RPS6KA2: variants seen among roughly 807,000 people sequenced by gnomAD.
The protein encoded by RPS6KA2 is ribosomal protein S6 kinase A2, also known as ribosomal protein S6 kinase alpha-2.
A neutral mutation model predicts 91.8 loss-of-function variants in RPS6KA2; 42 were observed. That is an observed-to-expected ratio of 0.46 (90% CI 0.36 to 0.59). The LOEUF is 0.59. Ranked by LOEUF, RPS6KA2 falls within the 20% of genes least tolerant of loss-of-function variation. The pLI is 0.00. For missense variants in RPS6KA2, 798 were observed against 978.5 expected (o/e 0.82, Z 2.46); for synonymous variants, 414 against 393.6 (o/e 1.05, Z -0.61).
intron 2 of RPS6KA2, among the ~76,000 whole-genome samples, chr6:166,820,917 A>G (rs9355596): frequency 0.63 from 95,288 of 152,006 alleles, 31,314 homozygotes; most frequent in Non-Finnish European, 0.74. Context: ...ATGTAAAAGC[A>G]CTCCTCCTTG....
intron 1 of RPS6KA2, among the ~76,000 whole-genome samples, chr6:166,556,914 A>G (rs1286345611): frequency 6.6e-6 from 1 of 152,242 alleles, no homozygotes; most frequent in Middle Eastern, 3.2e-3. Flanking sequence ...AGGCAGATTT[A>G]GAAGCCCGCT....
Position 166,694,974 on chromosome 6 carries a change from T to C in RPS6KA2, c.124-156190A>G, listed in dbSNP as rs1789316477. Among the ~76,000 whole-genome samples, 4 of 152,370 alleles carry C rather than the reference T, an allele frequency of 2.6e-5. No homozygotes were observed. In the South Asian group the frequency reaches 6.2e-4, roughly 24 times the overall value. ...AATATCCATTTATTCAATAAATAGA[T>C]ATTAATCACTTAGGCTATGGGATCA... is the stretch of plus-strand genomic sequence containing the variant. On this transcript the variant is annotated intron_variant, in intron 2 of 21. Coordinates refer to the RPS6KA2 transcript ENST00000503859.
At chr6:166,761,199 C>T (rs148614071) in intron 2 of RPS6KA2, among the ~76,000 whole-genome samples, 6 of 152,250 alleles carry the variant, frequency 3.9e-5, no homozygotes, top group Admixed American at 1.3e-4. Context: ...AAGTAGCCAC[C>T]GCACCCGGCT....
rs1562523970 is a variant in RPS6KA2, at chr6:166,480,511, ATAT to A, written c.907+8319_907+8321del. Among the ~76,000 whole-genome samples the A allele has an allele frequency of 2.0e-3, 189 of 94,642 alleles. 5 individuals carry two copies. Among genetic ancestry groups the A allele is most frequent in the Middle Eastern group, 0.011 (2 of 176 alleles). The allele number at this position is 94,642 out of a possible 152,430, so 62.1% of individuals were successfully genotyped here. A position where few individuals can be genotyped will look rare whatever the true frequency, so the allele number is the denominator to read the frequency against. On this transcript the variant is annotated intron_variant, in intron 10 of 20. Transcript: ENST00000265678. Reference sequence around the variant, plus strand: ...TATATATATATATATATATATATATATATAATATATTTTTTTTTTTTGAGAGAG... The same window carrying A: ...TATATATATATATATATATATATATAAATATATTTTTTTTTTTTGAGAGAG...
Position 166,430,439 on chromosome 6 carries a change from G to C in RPS6KA2, c.1581+14C>G, listed in dbSNP as rs1348619462. 6.2e-7 allele frequency: 1 copy of C among 1,602,694 alleles called. No homozygotes were observed. Among genetic ancestry groups the C allele is most frequent in the East Asian group, 2.3e-5 (1 of 44,398 alleles). ...TCCCTCCTCCCCGAAGGCTGCCCCA[G>C]GCATGGCTCCTACCCCCTGGGAATG... On this transcript the variant is annotated intron_variant, in intron 16 of 20. Coordinates refer to ENST00000265678, the MANE Select transcript of RPS6KA2 (RefSeq NM_021135.6).
At chr6:166,699,603 A>G (rs1410947669) in intron 2 of RPS6KA2, among the ~76,000 whole-genome samples, 1 of 152,182 alleles carries the variant, frequency 6.6e-6, no homozygotes, top group Admixed American at 6.5e-5. Flanking sequence ...AAAACTCAAA[A>G]TCAATTCAGA....
intron 2 of RPS6KA2, among the ~76,000 whole-genome samples, chr6:166,712,075 G>A (rs950145961): frequency 2.0e-5 from 3 of 152,230 alleles, no homozygotes; most frequent in African/African-American, 4.8e-5. Context: ...CAGAATGTAC[G>A]TAGGGATGCC....
rs930693575 is a variant in RPS6KA2, at chr6:166,639,510, C to T, written c.124-100726G>A. On this transcript the variant is annotated intron_variant, in intron 2 of 21. Coordinates refer to the RPS6KA2 transcript ENST00000503859. This position sits in a 1 kb window ranked among gnomAD's most constrained non-coding sequence, Gnocchi z 4.2. ...AGAAGCGAATCTGGTTCAGTTACCC[C>T]AGGGCATGCATAGCTCCAGAGCTTG... 3.9e-5 allele frequency among the ~76,000 whole-genome samples: 6 copies of T among 152,334 alleles called. No homozygotes were observed. In the South Asian group the frequency reaches 6.2e-4, roughly 16 times the overall value.
Position 166,742,691 on chromosome 6 carries a change from C to A in RPS6KA2, c.123+115509G>T, listed in dbSNP as rs150055709. On this transcript the variant is annotated intron_variant, in intron 2 of 21. Coordinates refer to the RPS6KA2 transcript ENST00000503859. ...TCTGTGCTTCTCTCCACTGCACCCA[C>A]CAACATGCCACACTGCATACTTTTT... is the stretch of plus-strand genomic sequence containing the variant. Among the ~76,000 whole-genome samples the A allele has an allele frequency of 5.3e-3, 810 of 152,326 alleles. 5 individuals carry two copies. The highest frequency in any genetic ancestry group is 0.034 in the South Asian group (162 of 4,828).
intron 7 of RPS6KA2, among the ~76,000 whole-genome samples, chr6:166,499,803 C>T (rs28457815): frequency 0.54 from 81,622 of 151,132 alleles, 24,636 homozygotes; most frequent in African/African-American, 0.82. Context: ...AATACAGGGA[C>T]TTTCAGAACA....
intron 3 of RPS6KA2, among the ~76,000 whole-genome samples, chr6:166,527,960 T>C (rs1783126940): frequency 6.6e-6 from 1 of 152,192 alleles, no homozygotes; most frequent in South Asian, 2.1e-4. Context: ...ATAGTGGACA[T>C]TTGAGCTCTT....
At chr6:166,801,882 T>C (rs928481494) in intron 2 of RPS6KA2, among the ~76,000 whole-genome samples, 3 of 152,024 alleles carry the variant, frequency 2.0e-5, no homozygotes, top group Non-Finnish European at 4.4e-5. Flanking sequence ...AGAAAAACAA[T>C]TGAGAAGGAA....
intron 2 of RPS6KA2, among the ~76,000 whole-genome samples, chr6:166,755,944 A>G (rs1053654482): frequency 2.0e-5 from 3 of 152,194 alleles, no homozygotes; most frequent in African/African-American, 7.2e-5. Context: ...CTTAATTCCA[A>G]AAGTTGAAGT....
Position 166,430,517 on chromosome 6 carries a change from T to A in RPS6KA2, c.1517A>T (p.Glu506Val). The change falls in exon 16 of 21, where the codon GAG (glutamate) becomes GTG (valine). Residue 506 changes from glutamate (E) to valine (V), a missense_variant. Coordinates refer to ENST00000265678, the MANE Select transcript of RPS6KA2 (RefSeq NM_021135.6). Reference sequence around the variant, plus strand: ...GCACAGGACGTCACTGGCTTCGCGCTCCGAGAAGTATCTCTGCCGGAGGAT... The same window carrying A: ...GCACAGGACGTCACTGGCTTCGCGCACCGAGAAGTATCTCTGCCGGAGGAT... ...DRILRQRYFS[E>V]REASDVLCTI... 1 of 1,614,096 alleles carries A rather than the reference T, an allele frequency of 6.2e-7. No homozygotes were observed. Among genetic ancestry groups the A allele is most frequent in the Non-Finnish European group, 8.5e-7 (1 of 1,180,000 alleles).
In RPS6KA2 at chr6:166,797,985, G is replaced by T. The variant is rs113543105; in HGVS notation, c.123+60215C>A. Among the ~76,000 whole-genome samples the T allele has an allele frequency of 3.7e-3, 569 of 152,232 alleles. 5 individuals are homozygous for T. The highest frequency in any genetic ancestry group is 0.013 in the African/African-American group (550 of 41,532). ...TGAAAAAAACCTTGATTTGTTACAC[G>T]GTGAAAAGCAGCAGAAGAAAAATGG... is the stretch of plus-strand genomic sequence containing the variant. On this transcript the variant is annotated intron_variant, in intron 2 of 21. Coordinates refer to the RPS6KA2 transcript ENST00000503859.
chr6:166,500,980 G>T lies in RPS6KA2; in HGVS notation c.567-56C>A. ...TAGAAAGAGACCCAGCCTGCCGACG[G>T]GCACGCAGAGCTCAGAGGAGAGCTG... On this transcript the variant is annotated intron_variant, in intron 6 of 20. Coordinates refer to ENST00000265678, the MANE Select transcript of RPS6KA2 (RefSeq NM_021135.6). This position sits in a 1 kb window ranked among gnomAD's most constrained non-coding sequence, Gnocchi z 4.3. 6.5e-7 allele frequency: 1 copy of T among 1,545,026 alleles called. No individual in the cohort carries two copies. The highest frequency in any genetic ancestry group is 1.4e-5 in the African/African-American group (1 of 73,598).
At chr6:166,444,361 C>A (rs1418710964) in intron 14 of RPS6KA2, among the ~76,000 whole-genome samples, 1 of 152,220 alleles carries the variant, frequency 6.6e-6, no homozygotes, top group East Asian at 1.9e-4. Context: ...CCCTATACAA[C>A]TTCATCGCCC....
At chr6:166,701,014 G>C (rs1789499806) in intron 2 of RPS6KA2, 15 of 1,091,978 alleles carry the variant, frequency 1.4e-5, no homozygotes, top group Non-Finnish European at 2.1e-5. Context: ...ATTCTGGATA[G>C]GGGGTCAGCG....
intron 1 of RPS6KA2, among the ~76,000 whole-genome samples, chr6:166,587,378 C>T (rs1785211488): frequency 6.6e-6 from 1 of 152,110 alleles, no homozygotes. Flanking sequence ...TTCTAATCAC[C>T]GTCACTCTAA....
Sources: allele counts gnomAD v4.1 joint callset (sites outside exome capture counted in the v4.1 genomes callset), GRCh38; gene constraint gnomAD v4.1.1; non-coding constraint Gnocchi (gnomAD v3.1); transcripts MANE v1.5; gene names NCBI Gene and HGNC (gene_info 2026-07-23, HGNC 2026-07-21).